The following CAMTA1 variants were observed in gnomAD, a reference collection of about 807,000 sequenced individuals.
CAMTA1 encodes the protein calmodulin binding transcription activator 1.
In CAMTA1, 27 loss-of-function variants were observed where a neutral mutation model predicts 170.9. The ratio of observed to expected loss-of-function variants is 0.16; its 90% CI spans 0.12 to 0.22. The LOEUF is 0.22. Ranked by LOEUF, CAMTA1 falls within the 10% of genes least tolerant of loss-of-function variation. The pLI is 1.00. For synonymous variants in CAMTA1, 833 were observed against 891.5 expected, an observed-to-expected ratio of 0.93 and a Z score of 1.17; for missense variants, 1,619 against 2,217.2, an observed-to-expected ratio of 0.73 and a Z score of 5.42.
At position 7,460,593 on chromosome 1, in the gene CAMTA1, G is replaced by GC. The variant is rs79831740; in HGVS notation, c.439-7229dup. On this transcript the variant is annotated intron_variant, in intron 5 of 22. Transcript: ENST00000303635. ...ATGCCCCGTTCTGGAGGCTGTGACT[G>GC]CCCCCCCCAACCCCAGCCTGCCCCC... 1.7e-3 allele frequency among the ~76,000 whole-genome samples: 261 copies of GC among 149,702 alleles called. 2 individuals carry two copies. The highest frequency in any genetic ancestry group is 2.7e-3 in the Non-Finnish European group (184 of 67,562).
rs549322395 is a variant in CAMTA1 at position 7,588,301 on chromosome 1, C to T, written c.511-52099C>T. ...GCTGGTGTGGCCCTGCTGGGGACCC[C>T]GGGTCTGTCAGGTCTGGTGAGAGGT... On this transcript the variant is annotated intron_variant, in intron 6 of 22. Coordinates refer to ENST00000303635, the MANE Select transcript of CAMTA1 (RefSeq NM_015215.4). The surrounding 1 kb of genome is among the most constrained non-coding windows in gnomAD (Gnocchi z 5.8). Among the ~76,000 whole-genome samples, 16 of 151,164 alleles carry T rather than the reference C, an allele frequency of 1.1e-4. No individual in the cohort carries two copies. Among genetic ancestry groups the T allele is most frequent in the East Asian group, 7.7e-4 (4 of 5,166 alleles).
intron 4 of CAMTA1, among the ~76,000 whole-genome samples, chr1:7,179,247 A>G (rs1294958418): frequency 1.3e-5 from 2 of 152,256 alleles, no homozygotes; most frequent in African/African-American, 2.4e-5. Context: ...TGCATGAAAT[A>G]ACACAGGAAC....
In CAMTA1 at chr1:7,665,088, C is replaced by A. The variant is rs372492803; in HGVS notation, c.2541C>A (p.His847Gln). 5 of 1,549,664 alleles carry A rather than the reference C, an allele frequency of 3.2e-6. No individual in the cohort carries two copies. The highest frequency in any genetic ancestry group is 1.7e-4 in the Middle Eastern group (1 of 5,752). ...GGGCCAGCACCATGGCCTACATGCA[C>A]GTCGCCGAGGTGGTCTCGGCCGCCT... ...EGGASTMAYM[H>Q]VAEVVSAASA... is the part of the protein sequence containing the mutation. Residue 847 changes from histidine (H) to glutamine (Q), a missense_variant, in exon 9 of 23, where the codon CAC (histidine) becomes CAA (glutamine). Transcript: ENST00000303635. This position sits in a 1 kb window ranked among gnomAD's most constrained non-coding sequence, Gnocchi z 4.3.
At chr1:7,708,893 C>G (rs576878083) in intron 11 of CAMTA1, among the ~76,000 whole-genome samples, 7 of 152,238 alleles carry the variant, frequency 4.6e-5, no homozygotes, top group African/African-American at 1.7e-4. Context: ...ATAAATTTCT[C>G]CATTATATTA....
chr1:7,338,767 T>G (rs2083580224), intron 5 of CAMTA1, among the ~76,000 whole-genome samples: 3 of 152,166 alleles, frequency 2.0e-5, no homozygotes, highest in African/African-American at 7.2e-5. Context: ...CACTTAACGG[T>G]GGTTAAAATG....
rs1645388486 is a variant in CAMTA1, at chr1:6,813,229, T to C, written c.46-6952T>C. 2.6e-5 allele frequency among the ~76,000 whole-genome samples: 4 copies of C among 152,344 alleles called. 1 individual carries two copies. In the South Asian group the frequency reaches 8.3e-4, roughly 32 times the overall value. On this transcript the variant is annotated intron_variant, in intron 1 of 22. Transcript: ENST00000303635. ...TTGTGGTTCAGAAAAAGAATAAAGT[T>C]ACTTGGGCTTGGGGTACATGTTGAA...
At chr1:7,693,745 G>C (rs2096344089) in intron 11 of CAMTA1, 1 of 152,210 alleles carries the variant, frequency 6.6e-6, no homozygotes, top group Admixed American at 6.5e-5. Context: ...TACCCATGGA[G>C]TACTGCCAAC....
rs993689745 is a variant in CAMTA1 at position 7,417,005 on chromosome 1, G to A, written c.439-50825G>A. On this transcript the variant is annotated intron_variant, in intron 5 of 22. Coordinates refer to ENST00000303635, the MANE Select transcript of CAMTA1 (RefSeq NM_015215.4). Reference sequence around the variant, plus strand: ...CAGGACCCTCAGCTGCAGGTCTGTCGGAGTTTGCTAGAGGTCCACTCCAGA... The same window carrying A: ...CAGGACCCTCAGCTGCAGGTCTGTCAGAGTTTGCTAGAGGTCCACTCCAGA... Among the ~76,000 whole-genome samples, 18 of 152,318 alleles carry A rather than the reference G, an allele frequency of 1.2e-4. No homozygotes were observed. The South Asian group carries it at 2.5e-3, about 21-fold the overall frequency.
chr1:6,821,218 T>G (rs948438483), intron 2 of CAMTA1, among the ~76,000 whole-genome samples: 2 of 152,214 alleles, frequency 1.3e-5, no homozygotes, highest in Non-Finnish European at 2.9e-5. Flanking sequence ...TTTGTAGAAT[T>G]ACTACTGGGT....
At chr1:7,215,582 C>T (rs185397511) in intron 4 of CAMTA1, among the ~76,000 whole-genome samples, 2 of 152,102 alleles carry the variant, frequency 1.3e-5, no homozygotes, top group Non-Finnish European at 2.9e-5. Flanking sequence ...TTAGTAGAGA[C>T]GGGGTTTCAC....
chr1:7,678,798 C>T (rs115380306), intron 11 of CAMTA1, among the ~76,000 whole-genome samples: 1,550 of 152,312 alleles, frequency 0.01, 22 homozygotes, highest in African/African-American at 0.035. Context: ...GTGGGTTCTC[C>T]AAGCAACACC....
At chr1:7,560,793 G>A (rs774805608) in intron 6 of CAMTA1, among the ~76,000 whole-genome samples, 7 of 152,050 alleles carry the variant, frequency 4.6e-5, no homozygotes, top group Non-Finnish European at 7.4e-5. Flanking sequence ...ATGAGAACAT[G>A]GGACTCGGGG....
chr1:7,718,333 T>G lies in CAMTA1; in HGVS notation c.2915-14115T>G, dbSNP rs17031522. ...TCTTCCCCAAGGATTTCAAGTGGTG[T>G]TTTGATCATGCTAGGCGCCACCAAA... On this transcript the variant is annotated intron_variant, in intron 11 of 22. Coordinates refer to ENST00000303635, the MANE Select transcript of CAMTA1 (RefSeq NM_015215.4). Among the ~76,000 whole-genome samples the G allele has an allele frequency of 8.7e-3, 1,326 of 152,294 alleles. 12 individuals carry two copies. Among genetic ancestry groups the G allele is most frequent in the African/African-American group, 0.029 (1,192 of 41,560 alleles).
chr1:7,354,000 A>T (rs912879891), intron 5 of CAMTA1, among the ~76,000 whole-genome samples: 8 of 152,118 alleles, frequency 5.3e-5, no homozygotes, highest in African/African-American at 1.9e-4. Context: ...ATAAGCGAGA[A>T]CATGCAGTAT....
chr1:7,061,134 T>A (rs957541804), intron 3 of CAMTA1, among the ~76,000 whole-genome samples: 1 of 152,192 alleles, frequency 6.6e-6, no homozygotes, highest in Non-Finnish European at 1.5e-5. Context: ...TGTGACAGTC[T>A]GGGAAAATCC....
At chr1:7,726,246 C>T (rs2096685338) in intron 11 of CAMTA1, among the ~76,000 whole-genome samples, 2 of 152,032 alleles carry the variant, frequency 1.3e-5, no homozygotes, top group African/African-American at 2.4e-5. Context: ...TTTTCCTACT[C>T]TGCCCTGCTC....
chr1:7,362,879 G>T (rs1406890058), intron 5 of CAMTA1, among the ~76,000 whole-genome samples: 4 of 151,850 alleles, frequency 2.6e-5, no homozygotes, highest in African/African-American at 9.7e-5. Context: ...TTGGGTAGAG[G>T]TGGTGGCTTT....
At chr1:7,704,215 G>T (rs1024906781) in intron 11 of CAMTA1, among the ~76,000 whole-genome samples, 81 of 147,420 alleles carry the variant, frequency 5.5e-4, no homozygotes, top group Admixed American at 8.1e-4. Flanking sequence ...CGGGAACGCG[G>T]GCCCTCGGCG....
chr1:7,573,798 G>T lies in CAMTA1; in HGVS notation c.511-66602G>T. Among the ~76,000 whole-genome samples the T allele has an allele frequency of 2.6e-5, 4 of 152,264 alleles. No individual in the cohort carries two copies. In the Middle Eastern group the frequency reaches 0.01, roughly 388 times the overall value. ...GGTTTGTTCTTGTTGTTTTGAGACA[G>T]AGTCTCGCTCTGTTGCCCGGGCTGG... On this transcript the variant is annotated intron_variant, in intron 6 of 22. Transcript: ENST00000303635.
Sources: allele counts gnomAD v4.1 joint callset (sites outside exome capture counted in the v4.1 genomes callset), GRCh38; gene constraint gnomAD v4.1.1; non-coding constraint Gnocchi (gnomAD v3.1); transcripts MANE v1.5; gene names NCBI Gene and HGNC (gene_info 2026-07-23, HGNC 2026-07-21).